KCNH1: variants seen among roughly 807,000 people sequenced by gnomAD.
KCNH1 encodes the protein voltage-gated delayed rectifier potassium channel KCNH1.
KCNH1 carries 27 observed loss-of-function variants against 69.2 expected under a neutral mutation model. The observed-to-expected ratio is 0.39, with a 90% CI of 0.29 to 0.54. KCNH1 has a LOEUF of 0.54. KCNH1 is among the 20% of genes least tolerant of loss of function. The pLI is 0.68. For missense variants in KCNH1, 798 were observed against 1,261.6 expected, an observed-to-expected ratio of 0.63 and a Z score of 5.57; for synonymous variants, 456 against 487.7, an observed-to-expected ratio of 0.93 and a Z score of 0.86.
Position 211,116,372 on chromosome 1 carries a change from A to G in KCNH1, c.80-8995T>C, listed in dbSNP as rs549863626. ...TCTTTAATGGAATCAGCAGAGCCAC[A>G]ACTTGCAAATTTTCAATGCCCTCAC... On this transcript the variant is annotated intron_variant, in intron 1 of 10. Transcript: ENST00000271751. Among the ~76,000 whole-genome samples, 66 of 152,268 alleles carry G rather than the reference A, an allele frequency of 4.3e-4. 1 individual carries two copies. Among genetic ancestry groups the G allele is most frequent in the Admixed American group, 4.3e-3 (66 of 15,290 alleles).
chr1:210,982,420 T>A (rs1301836208), intron 6 of KCNH1, among the ~76,000 whole-genome samples: 3 of 151,870 alleles, frequency 2.0e-5, no homozygotes, highest in Non-Finnish European at 4.4e-5. Flanking sequence ...CCCTCCCCCT[T>A]CCCCCCACTC....
intron 5 of KCNH1, among the ~76,000 whole-genome samples, chr1:211,062,374 T>C (rs977634573): frequency 8.5e-5 from 13 of 152,076 alleles, no homozygotes; most frequent in Non-Finnish European, 1.9e-4. Flanking sequence ...AAAAGAAACA[T>C]TGGGGAAACT....
chr1:210,859,923 AT>A (rs1163177031), intron 7 of KCNH1: 1 of 1,468,300 alleles, frequency 6.8e-7, no homozygotes, highest in Non-Finnish European at 9.5e-7. Flanking sequence ...TAAAGCTGCA[AT>A]TGCAACTTGC....
intron 6 of KCNH1, among the ~76,000 whole-genome samples, chr1:210,946,988 C>A (rs181778230): frequency 9.9e-5 from 15 of 152,270 alleles, no homozygotes; most frequent in Middle Eastern, 3.4e-3. Flanking sequence ...GCAATATCAC[C>A]GCCAACTTAC....
intron 5 of KCNH1, among the ~76,000 whole-genome samples, chr1:211,068,347 C>A (rs1325575286): frequency 3.3e-5 from 5 of 152,324 alleles, no homozygotes; most frequent in African/African-American, 1.2e-4. Flanking sequence ...TAGAAGCCAT[C>A]ACTCTCTTCT....
intron 7 of KCNH1, among the ~76,000 whole-genome samples, chr1:210,863,934 C>T (rs1558502314): frequency 6.6e-6 from 1 of 151,564 alleles, no homozygotes; most frequent in South Asian, 2.1e-4. Context: ...CCCGATCATA[C>T]AAGCACATGC....
chr1:210,961,124 A>T (rs1185916652), intron 6 of KCNH1, among the ~76,000 whole-genome samples: 1 of 152,106 alleles, frequency 6.6e-6, no homozygotes, highest in African/African-American at 2.4e-5. Context: ...TGCCATCTTC[A>T]TATCTGCTTT....
chr1:211,128,597 AT>A (rs1476907991), intron 1 of KCNH1, among the ~76,000 whole-genome samples: 2 of 151,716 alleles, frequency 1.3e-5, no homozygotes, highest in Non-Finnish European at 2.9e-5. Flanking sequence ...GCAAGACTCT[AT>A]TTCTTGACAC....
At chr1:210,746,496 C>G (rs1035147990) in intron 10 of KCNH1, among the ~76,000 whole-genome samples, 5 of 152,144 alleles carry the variant, frequency 3.3e-5, no homozygotes, top group South Asian at 2.1e-4. Flanking sequence ...CTTCTACTCC[C>G]CATAGCACCA....
intron 10 of KCNH1, among the ~76,000 whole-genome samples, chr1:210,721,075 G>C (rs1345650341): frequency 6.6e-6 from 1 of 152,116 alleles, no homozygotes; most frequent in Non-Finnish European, 1.5e-5. Context: ...GATCCAGAGA[G>C]TAGAGGAAAG....
chr1:211,109,096 G>A (rs2102487642), intron 1 of KCNH1, among the ~76,000 whole-genome samples: 1 of 152,308 alleles, frequency 6.6e-6, no homozygotes, highest in South Asian at 2.1e-4. Context: ...TAAACTTTTT[G>A]AATGCCTAAA....
intron 7 of KCNH1, among the ~76,000 whole-genome samples, chr1:210,824,664 G>A (rs1462280580): frequency 6.6e-6 from 1 of 152,148 alleles, no homozygotes; most frequent in Admixed American, 6.6e-5. Flanking sequence ...GAAAAGGGAG[G>A]AGCATTTTAA....
chr1:210,713,554 C>T (rs868315066), intron 10 of KCNH1, among the ~76,000 whole-genome samples: 2 of 152,144 alleles, frequency 1.3e-5, no homozygotes, highest in Non-Finnish European at 2.9e-5. Context: ...AGAAATAGAT[C>T]GTCTTCCTAA....
chr1:210,796,386 T>C (rs1237452504), intron 9 of KCNH1, among the ~76,000 whole-genome samples: 1 of 152,164 alleles, frequency 6.6e-6, no homozygotes, highest in Non-Finnish European at 1.5e-5. Flanking sequence ...AAATGCTGTG[T>C]CAAATGGCAC....
At chr1:210,702,359 T>C (rs12040372) in intron 10 of KCNH1, among the ~76,000 whole-genome samples, 16,972 of 152,160 alleles carry the variant, frequency 0.11, 2,593 homozygotes, top group African/African-American at 0.33. Context: ...TCAGTTGAAA[T>C]GTAGAGTTGA....
At chr1:210,854,976 A>T (rs12059948) in intron 7 of KCNH1, among the ~76,000 whole-genome samples, 35,942 of 152,092 alleles carry the variant, frequency 0.24, 4,392 homozygotes, top group African/African-American at 0.31. Flanking sequence ...GCTGGTGAAA[A>T]GTGTCTGGGG....
At chr1:211,125,835 A>G (rs879809280) in intron 1 of KCNH1, among the ~76,000 whole-genome samples, 1 of 152,240 alleles carries the variant, frequency 6.6e-6, no homozygotes, top group African/African-American at 2.4e-5. Flanking sequence ...TGACTCAGTT[A>G]ATTTCAGAAC....
chr1:211,048,380 C>T (rs905980243), intron 5 of KCNH1, among the ~76,000 whole-genome samples: 18 of 152,156 alleles, frequency 1.2e-4, no homozygotes, highest in African/African-American at 4.3e-4. Flanking sequence ...GACACTTGCA[C>T]ATGCATGTTT....
At chr1:211,057,859 C>T (rs1031014061) in intron 5 of KCNH1, among the ~76,000 whole-genome samples, 48 of 152,066 alleles carry the variant, frequency 3.2e-4, no homozygotes, top group African/African-American at 1.1e-3. Flanking sequence ...TATTCAAGTA[C>T]AGGAAAGTTA....
Sources: gnomAD v4.1 joint callset for allele counts (sites outside exome capture counted in the v4.1 genomes callset) on GRCh38, gnomAD v4.1.1 for gene constraint, MANE v1.5 for transcripts, NCBI Gene and HGNC (gene_info 2026-07-23, HGNC 2026-07-21) for gene names.